MYZAP: variants seen among roughly 807,000 people sequenced by gnomAD.
MYZAP encodes GRINL1A complex locus upstream.
A neutral mutation model predicts 69.4 loss-of-function variants in MYZAP; 66 were observed. The ratio of observed to expected loss-of-function variants is 0.95; its 90% CI spans 0.78 to 1.17. The LOEUF (loss-of-function observed/expected upper bound fraction) is 1.17, where lower values mean the gene tolerates loss of function less well. MYZAP is among the 50% of genes most tolerant of loss of function. The pLI, the probability that MYZAP is intolerant of heterozygous loss-of-function variation, is 0.00. For synonymous variants in MYZAP, 256 were observed against 205.9 expected (o/e 1.24, Z -2.09); for missense variants, 611 against 556.2 (o/e 1.10, Z -0.99).
chr15:57,639,677 G>T, intron 10 of MYZAP, 132 bp downstream of exon 10: 1 of 985,906 alleles, frequency 1.0e-6, no homozygotes, highest in South Asian at 1.6e-5. Flanking sequence ...TGCCATCTAG[G>T]CCCAGAGTGG....
Position 57,592,017 on chromosome 15 carries a change from A to G in MYZAP, c.-18A>G, listed in dbSNP as rs1397590821. ...GAGGAACGCCGGCGTCCAGCCCGCTACCGACCGCCGCTGCGGGATGCTGCG... is the reference window on the plus strand; with the variant it reads ...GAGGAACGCCGGCGTCCAGCCCGCTGCCGACCGCCGCTGCGGGATGCTGCG... On this transcript the variant is annotated 5_prime_UTR_variant, in exon 1 of 13. Coordinates refer to ENST00000267853, the MANE Select transcript of MYZAP (RefSeq NM_001018100.5). 126 of 1,430,476 alleles carry G rather than the reference A, an allele frequency of 8.8e-5. No individual in the cohort carries two copies. The highest frequency in any genetic ancestry group is 1.1e-4 in the Non-Finnish European group (122 of 1,095,822). The allele number at this position is 1,430,476 out of a possible 1,614,324, so 88.6% of individuals were successfully genotyped here. A position where few individuals can be genotyped will look rare whatever the true frequency, so the allele number is the denominator to read the frequency against.
intron 5 of MYZAP, 58 bp downstream of exon 5, chr15:57,625,950 G>T (rs1314913884): frequency 4.0e-6 from 6 of 1,485,036 alleles, no homozygotes; most frequent in Non-Finnish European, 5.6e-6. Flanking sequence ...AGTGGGGACT[G>T]TGCCTTTGCA....
chr15:57,632,025 G>T (rs1281529117), intron 6 of MYZAP, among the ~76,000 whole-genome samples: 1 of 152,162 alleles, frequency 6.6e-6, no homozygotes, highest in African/African-American at 2.4e-5. Flanking sequence ...TGCTAGGTTG[G>T]AATGTTTCCA....
intron 1 of MYZAP, among the ~76,000 whole-genome samples, chr15:57,596,414 C>G (rs992098512): frequency 6.6e-6 from 1 of 152,186 alleles, no homozygotes; most frequent in African/African-American, 2.4e-5. Context: ...TTAAATATTT[C>G]AACCCAAGAT....
At position 57,664,355 on chromosome 15, in the gene MYZAP, C is replaced by G. The variant is rs183048191; in HGVS notation, c.1203+2822C>G. On this transcript the variant is annotated intron_variant, in intron 11 of 12. Coordinates refer to ENST00000267853, the MANE Select transcript of MYZAP (RefSeq NM_001018100.5). ...ACTTATGCATTCTTTATCAATATTTCATCATACATAGCTAGGCCATGTAGA... is the reference window on the plus strand; with the variant it reads ...ACTTATGCATTCTTTATCAATATTTGATCATACATAGCTAGGCCATGTAGA... 2.9e-3 allele frequency among the ~76,000 whole-genome samples: 447 copies of G among 152,304 alleles called. 1 individual carries two copies. Among genetic ancestry groups the G allele is most frequent in the Middle Eastern group, 6.8e-3 (2 of 294 alleles).
At chr15:57,667,759 C>T (rs2038653865) in intron 11 of MYZAP, among the ~76,000 whole-genome samples, 1 of 152,120 alleles carries the variant, frequency 6.6e-6, no homozygotes, top group Non-Finnish European at 1.5e-5. Flanking sequence ...AAATAAGTTT[C>T]TGTTATTTAT....
chr15:57,646,361 T>A (rs961839528), intron 10 of MYZAP: 12 of 1,180,544 alleles, frequency 1.0e-5, no homozygotes, highest in Non-Finnish European at 1.3e-5. Flanking sequence ...GGGCTCTTGT[T>A]TGTGAAAACA....
rs74016371 is a variant in MYZAP, at chr15:57,641,002, C to T, written c.1119+1457C>T. Among the ~76,000 whole-genome samples the T allele has an allele frequency of 5.1e-3, 769 of 152,272 alleles. 3 individuals are homozygous for T. The highest frequency in any genetic ancestry group is 0.018 in the African/African-American group (748 of 41,534). On this transcript the variant is annotated intron_variant, in intron 10 of 12. Transcript: ENST00000267853. ...AGTTAGCATCTCAGTGAGCCTTGGC[C>T]GTCGGGGCATAGTTTTTCTGCTTTT...
chr15:57,633,989 A>G (rs2036664423), intron 8 of MYZAP, among the ~76,000 whole-genome samples: 1 of 152,246 alleles, frequency 6.6e-6, no homozygotes, highest in Non-Finnish European at 1.5e-5. Flanking sequence ...ATATTTTAGC[A>G]GCCTTGCTTT....
At chr15:57,613,358 T>A (rs1235686581) in intron 2 of MYZAP, among the ~76,000 whole-genome samples, 2 of 152,082 alleles carry the variant, frequency 1.3e-5, no homozygotes, top group Non-Finnish European at 2.9e-5. Flanking sequence ...TTTTGATTTT[T>A]AATTTAAATT....
At chr15:57,620,177 G>T (rs143608872) in intron 3 of MYZAP, among the ~76,000 whole-genome samples, 118 of 152,290 alleles carry the variant, frequency 7.7e-4, no homozygotes, top group African/African-American at 2.8e-3. Context: ...GTACTTCATG[G>T]CAAGAAAGTA....
chr15:57,684,606 C>T lies in MYZAP; in HGVS notation c.*108C>T, dbSNP rs1447695012. The T allele has an allele frequency of 5.9e-5, 42 of 714,144 alleles. No individual in the cohort carries two copies. The highest frequency in any genetic ancestry group is 5.6e-4 in the Admixed American group (23 of 41,208). 44.2% of individuals were successfully genotyped at this position (714,144 alleles called of 1,614,324 possible). A position where few individuals can be genotyped will look rare whatever the true frequency, so the allele number is the denominator to read the frequency against. On this transcript the variant is annotated 3_prime_UTR_variant, in exon 13 of 13. Coordinates refer to ENST00000267853, the MANE Select transcript of MYZAP (RefSeq NM_001018100.5). ...TGTTTCCCCTACACACAGTGTAAGC[C>T]GGAATGGGAATCGCTGAGGCTCTGA... is the stretch of plus-strand genomic sequence containing the variant.
chr15:57,640,147 T>A (rs1378397137), intron 10 of MYZAP, among the ~76,000 whole-genome samples: 10 of 152,218 alleles, frequency 6.6e-5, no homozygotes, highest in South Asian at 2.1e-4. Context: ...AGTTTACTAT[T>A]CTCTTTTTTC....
chr15:57,611,941 A>C (rs2035130292), intron 2 of MYZAP, among the ~76,000 whole-genome samples: 1 of 152,160 alleles, frequency 6.6e-6, no homozygotes, highest in Admixed American at 6.5e-5. Flanking sequence ...AGTTTTTCTG[A>C]GAATATTTAT....
chr15:57,629,763 A>T lies in MYZAP; in HGVS notation c.587A>T (p.Gln196Leu). The change falls in exon 6 of 13, where the codon CAG becomes CTG. Residue 196 changes from glutamine (Q) to leucine (L), a missense_variant. Coordinates refer to ENST00000267853, the MANE Select transcript of MYZAP (RefSeq NM_001018100.5). ...SNIKDQIRNL[Q>L]QTYEASMDKL... ...ATTAAGGATCAAATCAGAAATCTGC[A>T]GCAGACGTATGAAGCATCCATGGAC... is the stretch of plus-strand genomic sequence containing the variant. The T allele has an allele frequency of 6.2e-7, 1 of 1,614,118 alleles. No individual in the cohort carries two copies. The highest frequency in any genetic ancestry group is 1.6e-4 in the Middle Eastern group (1 of 6,062).
chr15:57,635,203 G>A (rs560607746), intron 8 of MYZAP, among the ~76,000 whole-genome samples: 2 of 152,298 alleles, frequency 1.3e-5, no homozygotes, highest in South Asian at 4.1e-4. Flanking sequence ...CTCCACTTCT[G>A]TAAAATGCTG....
intron 2 of MYZAP, among the ~76,000 whole-genome samples, chr15:57,615,686 T>A (rs1452225587): frequency 6.6e-6 from 1 of 152,214 alleles, no homozygotes; most frequent in Non-Finnish European, 1.5e-5. Context: ...TGGTTATATG[T>A]CCAGTAAATT....
intron 4 of MYZAP, among the ~76,000 whole-genome samples, chr15:57,625,428 G>A (rs995869664): frequency 2.0e-5 from 3 of 152,200 alleles, no homozygotes; most frequent in Admixed American, 6.5e-5. Context: ...GGCTGCAGAA[G>A]TTATTTCAAC....
At chr15:57,627,720 C>T (rs1435729470) in intron 5 of MYZAP, among the ~76,000 whole-genome samples, 1 of 152,066 alleles carries the variant, frequency 6.6e-6, no homozygotes, top group Non-Finnish European at 1.5e-5. Flanking sequence ...CAAACTGAGG[C>T]CGACAGAGAG....
Sources: gnomAD v4.1 joint callset for allele counts (sites outside exome capture counted in the v4.1 genomes callset) on GRCh38, gnomAD v4.1.1 for gene constraint, MANE v1.5 for transcripts, NCBI Gene and HGNC (gene_info 2026-07-23, HGNC 2026-07-21) for gene names.